The following DGKB variants were observed in gnomAD, a reference collection of about 807,000 sequenced individuals.
DGKB encodes diacylglycerol kinase beta.
DGKB carries 67 observed loss-of-function variants against 114.3 expected under a neutral mutation model. The observed-to-expected ratio is 0.59, with a 90% CI of 0.48 to 0.72. The LOEUF (loss-of-function observed/expected upper bound fraction) is 0.72. DGKB is among the 30% of genes least tolerant of loss of function. DGKB has a pLI of 0.00. For synonymous variants in DGKB, 398 were observed against 323.1 expected (o/e 1.23, Z -2.49); for missense variants, 907 against 975.2 (o/e 0.93, Z 0.93).
At chr7:14,582,775 A>T (rs1800142936) in intron 18 of DGKB, among the ~76,000 whole-genome samples, 1 of 152,160 alleles carries the variant, frequency 6.6e-6, no homozygotes, top group Non-Finnish European at 1.5e-5. Context: ...GCACACAAAC[A>T]ATCTGATTTC....
At chr7:14,408,583 C>A (rs1312626648) in intron 21 of DGKB, among the ~76,000 whole-genome samples, 1 of 152,110 alleles carries the variant, frequency 6.6e-6, no homozygotes, top group Non-Finnish European at 1.5e-5. Context: ...ATACATAGAA[C>A]AATTGCCATT....
chr7:14,446,659 G>A (rs916016964), intron 21 of DGKB, among the ~76,000 whole-genome samples: 1 of 152,088 alleles, frequency 6.6e-6, no homozygotes, highest in Non-Finnish European at 1.5e-5. Context: ...CTCTTACTTA[G>A]CTCAATATTT....
intron 25 of DGKB, among the ~76,000 whole-genome samples, chr7:14,158,799 T>G (rs1783430348): frequency 6.6e-6 from 1 of 152,148 alleles, no homozygotes. Flanking sequence ...AAGGTATTGT[T>G]TCATCATTTA....
In DGKB at chr7:14,930,452, T is replaced by C. The variant is rs553062314; in HGVS notation, c.-188+44244A>G. 8.5e-5 allele frequency among the ~76,000 whole-genome samples: 13 copies of C among 152,278 alleles called. No homozygotes were observed. The East Asian group carries it at 1.9e-3, about 23-fold the overall frequency. ...TTCCTTGTTTGAATATATTCCTAAGTATTTAGTTTTTTATAGCTATTGTAA... is the reference window on the plus strand; with the variant it reads ...TTCCTTGTTTGAATATATTCCTAAGCATTTAGTTTTTTATAGCTATTGTAA... On this transcript the variant is annotated intron_variant, in intron 1 of 4. Coordinates refer to the DGKB transcript ENST00000437998.
At chr7:14,899,371 T>G (rs2128235658) in intron 1 of DGKB, among the ~76,000 whole-genome samples, 1 of 152,256 alleles carries the variant, frequency 6.6e-6, no homozygotes, top group Admixed American at 6.6e-5. Flanking sequence ...TAGCATAATC[T>G]AATTTTTATA....
chr7:14,690,201 T>C (rs1202022334), intron 9 of DGKB, among the ~76,000 whole-genome samples: 1 of 152,260 alleles, frequency 6.6e-6, no homozygotes, highest in African/African-American at 2.4e-5. Context: ...TTAATTATCT[T>C]GTTCATGCAG....
intron 21 of DGKB, among the ~76,000 whole-genome samples, chr7:14,392,049 A>G (rs74516329): frequency 8.9e-4 from 136 of 152,270 alleles, no homozygotes; most frequent in African/African-American, 3.1e-3. Flanking sequence ...TATACATTTC[A>G]TGTGTTTTCC....
chr7:14,589,806 T>C (rs1475392473), intron 17 of DGKB, among the ~76,000 whole-genome samples: 1 of 152,114 alleles, frequency 6.6e-6, no homozygotes, highest in African/African-American at 2.4e-5. Flanking sequence ...ATATTTTGTT[T>C]AGAAATTTTG....
At chr7:14,413,518 C>T (rs1825230078) in intron 21 of DGKB, among the ~76,000 whole-genome samples, 1 of 152,056 alleles carries the variant, frequency 6.6e-6, no homozygotes, top group African/African-American at 2.4e-5. Context: ...TACGAGGTTA[C>T]ATATGTGGTC....
intron 23 of DGKB, among the ~76,000 whole-genome samples, chr7:14,303,324 T>C (rs1012032131): frequency 6.6e-6 from 1 of 152,156 alleles, no homozygotes; most frequent in African/African-American, 2.4e-5. Flanking sequence ...TGGATGTGTA[T>C]GACTGTATTT....
At chr7:14,791,408 T>C (rs1840644941) in intron 2 of DGKB, among the ~76,000 whole-genome samples, 1 of 151,082 alleles carries the variant, frequency 6.6e-6, no homozygotes, top group Non-Finnish European at 1.5e-5. Flanking sequence ...ATTTTTTTAT[T>C]TTCTTTACTT....
At chr7:14,259,397 CTCTCTCTCTCTA>C (rs778642278) in intron 23 of DGKB, among the ~76,000 whole-genome samples, 384 of 98,514 alleles carry the variant, frequency 3.9e-3, no homozygotes, top group Non-Finnish European at 6.2e-3. Context: ...CTCTCTCTCT[CTCTCTCTCTCTA>C]TATATATATA....
chr7:14,455,119 T>C (rs569370018), intron 21 of DGKB, among the ~76,000 whole-genome samples: 1 of 152,174 alleles, frequency 6.6e-6, no homozygotes, highest in East Asian at 1.9e-4. Context: ...CTATAAACTC[T>C]GTTTAGAATT....
intron 21 of DGKB, among the ~76,000 whole-genome samples, chr7:14,477,375 A>C (rs1299686491): frequency 6.6e-6 from 1 of 152,176 alleles, no homozygotes; most frequent in African/African-American, 2.4e-5. Context: ...TTAATAGATA[A>C]AGTCACTTAA....
At chr7:14,205,959 G>T (rs777941187) in intron 23 of DGKB, among the ~76,000 whole-genome samples, 1 of 151,978 alleles carries the variant, frequency 6.6e-6, no homozygotes. Context: ...ATAGAAGCAA[G>T]AAAAACTATA....
intron 23 of DGKB, among the ~76,000 whole-genome samples, chr7:14,196,647 C>T (rs536861038): frequency 1.5e-4 from 23 of 152,074 alleles, no homozygotes; most frequent in African/African-American, 5.3e-4. Flanking sequence ...TTTGTCATTT[C>T]GATCACAAAG....
At chr7:14,333,382 A>G (rs1585182286) in intron 23 of DGKB, among the ~76,000 whole-genome samples, 1 of 151,058 alleles carries the variant, frequency 6.6e-6, no homozygotes, top group Non-Finnish European at 1.5e-5. Context: ...AATGGCGTGA[A>G]CCCGGGAGGT....
rs949449519 is a variant in DGKB at position 14,651,143 on chromosome 7, T to C, written c.1135-20875A>G. ...AAAGAGGGAATCCTCCCTAACTCAT[T>C]TGATGAGGCCAGCATCATTCTGATA... On this transcript the variant is annotated intron_variant, in intron 13 of 25. Transcript: ENST00000402815. 3.8e-3 allele frequency among the ~76,000 whole-genome samples: 582 copies of C among 152,184 alleles called. 1 individual carries two copies. The highest frequency in any genetic ancestry group is 0.013 in the African/African-American group (530 of 41,534).
At chr7:14,512,135 T>C (rs1183964002) in intron 20 of DGKB, among the ~76,000 whole-genome samples, 6 of 152,194 alleles carry the variant, frequency 3.9e-5, no homozygotes, top group African/African-American at 1.2e-4. Flanking sequence ...AGGGTTGCCA[T>C]AGACCTTCAA....
Sources: gnomAD v4.1 joint callset for allele counts (sites outside exome capture counted in the v4.1 genomes callset) on GRCh38, gnomAD v4.1.1 for gene constraint, MANE v1.5 for transcripts, NCBI Gene and HGNC (gene_info 2026-07-23, HGNC 2026-07-21) for gene names.